SYNE2: variants seen among roughly 807,000 people sequenced by gnomAD.
SYNE2 encodes the protein spectrin repeat containing nuclear envelope protein 2, also known as nesprin-2.
A neutral mutation model predicts 856.3 loss-of-function variants in SYNE2; 431 were observed. That is an observed-to-expected ratio of 0.50 (90% confidence interval 0.47 to 0.55). The LOEUF (loss-of-function observed/expected upper bound fraction) is 0.55. Ranked by LOEUF, SYNE2 falls within the 20% of genes least tolerant of loss-of-function variation. The pLI, the probability that SYNE2 is intolerant of heterozygous loss-of-function variation, is 0.00. For missense variants in SYNE2, 8,129 were observed against 8,023.2 expected (o/e 1.01, Z -0.50); for synonymous variants, 2,923 against 2,872.3 (o/e 1.02, Z -0.56).
At position 64,129,769 on chromosome 14, in the gene SYNE2, G is replaced by C. The variant is rs1220696978; in HGVS notation, c.14020-13G>C. 1 of 1,613,728 alleles carries C rather than the reference G, an allele frequency of 6.2e-7. No homozygotes were observed. Among genetic ancestry groups the C allele is most frequent in the African/African-American group, 1.3e-5 (1 of 74,852 alleles). On this transcript the variant is annotated splice_polypyrimidine_tract_variant and intron_variant, in intron 74 of 115. Transcript: ENST00000555002. Reference sequence around the variant, plus strand: ...CTGAAGGGTTTTCTTTTCTTGTATTGTCTCTCACTTAGAAAGCAGATGCAT... The same window carrying C: ...CTGAAGGGTTTTCTTTTCTTGTATTCTCTCTCACTTAGAAAGCAGATGCAT...
chr14:63,848,181 C>G (rs1275954446), upstream of SYNE2: 1 of 152,244 alleles, frequency 6.6e-6, no homozygotes, highest in Non-Finnish European at 1.5e-5. Context: ...GCCACCTCGT[C>G]TGGCCCTTTC....
chr14:63,905,100 G>T (rs1270462054), intron 1 of SYNE2, among the ~76,000 whole-genome samples: 2 of 152,094 alleles, frequency 1.3e-5, no homozygotes, highest in Non-Finnish European at 2.9e-5. Context: ...TGTCAGTCTT[G>T]TTAATATCAG....
chr14:64,084,948 G>A (rs1159977532), intron 57 of SYNE2: 1 of 702,216 alleles, frequency 1.4e-6, no homozygotes, highest in Non-Finnish European at 2.6e-6. Context: ...GGCCTCAAAA[G>A]ATCTGCTTCT....
At chr14:63,941,601 T>G in intron 3 of SYNE2, 94 bp from the exon 4 acceptor site, 1 of 1,018,660 alleles carries the variant, frequency 9.8e-7, no homozygotes, top group Non-Finnish European at 1.5e-6. Flanking sequence ...CATTACTGAA[T>G]TTTAGTTTTT....
intron 1 of SYNE2, among the ~76,000 whole-genome samples, chr14:63,855,380 T>C (rs1457422600): frequency 1.3e-5 from 2 of 152,196 alleles, no homozygotes; most frequent in African/African-American, 4.8e-5. Context: ...GACCTGACAG[T>C]GGCTCCCAGA....
chr14:64,012,672 A>G (rs2096855810), intron 32 of SYNE2, among the ~76,000 whole-genome samples: 1 of 152,246 alleles, frequency 6.6e-6, no homozygotes, highest in Non-Finnish European at 1.5e-5. Context: ...TACCTCTAGT[A>G]TATGGGTACT....
chr14:63,948,770 G>GTGTGTGTATATATA (rs1555393662), intron 6 of SYNE2, among the ~76,000 whole-genome samples: 1 of 79,712 alleles, frequency 1.3e-5, no homozygotes, highest in African/African-American at 5.0e-5. Flanking sequence ...GTATATATAT[G>GTGTGTGTATATATA]TATGTGTGTG....
In SYNE2 at chr14:64,043,556, A is replaced by G. The variant is rs371262180; in HGVS notation, c.7222-4444A>G. On this transcript the variant is annotated intron_variant, in intron 45 of 115. Transcript: ENST00000555002. ...AGAGTCCTTTTGCTGTGTACAGTCT[A>G]GCGACCGAGTGCCCTGTGTCTCAGC... Among the ~76,000 whole-genome samples the G allele has an allele frequency of 3.3e-5, 5 of 152,148 alleles. No individual in the cohort carries two copies. The East Asian group carries it at 9.7e-4, about 29-fold the overall frequency.
At chr14:64,225,291 A>G (rs371593995) in intron 115 of SYNE2, 28 bp from the exon 116 acceptor site, 22 of 1,613,874 alleles carry the variant, frequency 1.4e-5, no homozygotes, top group African/African-American at 6.7e-5. Flanking sequence ...GAGCCTCCCA[A>G]TCAGCTCTCA....
chr14:64,038,819 A>G (rs971099125), intron 45 of SYNE2, among the ~76,000 whole-genome samples: 1 of 152,088 alleles, frequency 6.6e-6, no homozygotes, highest in Non-Finnish European at 1.5e-5. Flanking sequence ...GCTCGGCATC[A>G]GAGGGAGACC....
chr14:64,216,640 T>C (rs1191326771), intron 108 of SYNE2, among the ~76,000 whole-genome samples: 2 of 152,258 alleles, frequency 1.3e-5, no homozygotes, highest in Non-Finnish European at 2.9e-5. Flanking sequence ...ACAGTCATTA[T>C]TACTGTCGAG....
At position 64,087,736 on chromosome 14, in the gene SYNE2, C is replaced by A. The variant is rs146261323; in HGVS notation, c.11550C>A (p.Asp3850Glu). The A allele has an allele frequency of 2.3e-4, 376 of 1,614,038 alleles. No homozygotes were observed. Among genetic ancestry groups the A allele is most frequent in the Non-Finnish European group, 3.2e-4 (372 of 1,179,998 alleles). Residue 3850 changes from aspartate to glutamate, a missense_variant, in exon 58 of 116, where the codon GAC (aspartate) becomes GAA (glutamate). Asp to Glu is a conservative substitution (Grantham distance 45, BLOSUM62 2). Transcript: ENST00000555002. ...ATTCAATCTTTATGGATCTAGAAGA[C>A]CTGTCAATAATTTTTGAAACAGATG... ...LLHSIFMDLE[D>E]LSIIFETDEL...
intron 54 of SYNE2, among the ~76,000 whole-genome samples, chr14:64,076,633 A>G (rs1270478759): frequency 1.3e-5 from 2 of 152,114 alleles, no homozygotes; most frequent in Non-Finnish European, 2.9e-5. Flanking sequence ...AAAATATTTT[A>G]TAATACTAGA....
chr14:64,117,927 G>A (rs1014698027), intron 66 of SYNE2, among the ~76,000 whole-genome samples: 3 of 152,130 alleles, frequency 2.0e-5, no homozygotes, highest in African/African-American at 7.2e-5. Context: ...CTCAGGTGGT[G>A]CAAAATTTAA....
chr14:63,826,390 C>G (rs1166876851), intron 1 of SYNE2, among the ~76,000 whole-genome samples: 1 of 152,178 alleles, frequency 6.6e-6, no homozygotes, highest in East Asian at 1.9e-4. Context: ...ACCTCCACCT[C>G]CCAGGTTCAA....
At position 64,048,673 on chromosome 14, in the gene SYNE2, C is replaced by T. The variant is rs181169127; in HGVS notation, c.7377+518C>T. The T allele has an allele frequency of 8.5e-4, 131 of 153,238 alleles. 2 individuals carry two copies. Among genetic ancestry groups the T allele is most frequent in the East Asian group, 4.6e-3 (24 of 5,216 alleles). 9.5% of individuals were successfully genotyped at this position (153,238 alleles called of 1,614,324 possible). On this transcript the variant is annotated intron_variant, in intron 46 of 115. Transcript: ENST00000555002. ...CTGTTATCCCAGCACTTTGGGAGGC[C>T]GAGGCGGGAGGACTGCCTGAGTCCA...
intron 7 of SYNE2, among the ~76,000 whole-genome samples, chr14:63,953,181 G>A (rs1196540311): frequency 6.6e-6 from 1 of 152,224 alleles, no homozygotes; most frequent in African/African-American, 2.4e-5. Context: ...CAGTTGGCAA[G>A]CAGATTAGGA....
At chr14:64,139,050 C>A (rs1235072591) in intron 79 of SYNE2, among the ~76,000 whole-genome samples, 1 of 151,520 alleles carries the variant, frequency 6.6e-6, no homozygotes. Flanking sequence ...GTGGCGTGAT[C>A]GTGGCTCACT....
chr14:63,942,511 T>C (rs1045510452), intron 6 of SYNE2, among the ~76,000 whole-genome samples: 4 of 151,812 alleles, frequency 2.6e-5, no homozygotes, highest in African/African-American at 9.7e-5. Context: ...TTTCTTTTTT[T>C]TGAGGTGGAG....
Sources: gnomAD v4.1 joint callset for allele counts (sites outside exome capture counted in the v4.1 genomes callset) on GRCh38, gnomAD v4.1.1 for gene constraint, MANE v1.5 for transcripts, NCBI Gene and HGNC (gene_info 2026-07-23, HGNC 2026-07-21) for gene names.